The following SAE1 variants were observed in gnomAD, a reference collection of about 807,000 sequenced individuals.
SAE1 encodes SUMO1 activating enzyme subunit 1.
A neutral mutation model predicts 40.6 loss-of-function variants in SAE1; 11 were observed. The observed-to-expected ratio is 0.27, with a 90% CI of 0.17 to 0.45. The LOEUF (loss-of-function observed/expected upper bound fraction) is 0.45, where lower values mean the gene tolerates loss of function less well. Among genes scored for constraint, SAE1 ranks in the 20% least tolerant of loss-of-function variants. The pLI is 1.00. For synonymous variants in SAE1, 155 were observed against 154.3 expected (o/e 1.00, Z -0.03); for missense variants, 373 against 427.3 (o/e 0.87, Z 1.12).
intron 3 of SAE1, among the ~76,000 whole-genome samples, chr19:47,151,989 T>G (rs968944018): frequency 1.3e-5 from 2 of 152,242 alleles, no homozygotes; most frequent in African/African-American, 4.8e-5. Context: ...GATTTCTTAC[T>G]TTTTAGATGG....
At chr19:47,166,080 C>G (rs1408681978) in intron 5 of SAE1, among the ~76,000 whole-genome samples, 1 of 152,226 alleles carries the variant, frequency 6.6e-6, no homozygotes, top group Non-Finnish European at 1.5e-5. Context: ...CCTGCCCAGA[C>G]AACCCCAAGC....
chr19:47,138,530 A>G (rs572987410), intron 1 of SAE1, among the ~76,000 whole-genome samples: 5 of 152,360 alleles, frequency 3.3e-5, no homozygotes, highest in African/African-American at 4.8e-5. Context: ...CCAGATTTCT[A>G]TAATTCTGCT....
Position 47,209,396 on chromosome 19 carries a change from G to GT in SAE1, c.*146dup. 7.2e-7 allele frequency: 1 copy of GT among 1,384,748 alleles called. No individual in the cohort carries two copies. Among genetic ancestry groups the GT allele is most frequent in the Non-Finnish European group, 9.9e-7 (1 of 1,010,736 alleles). The allele number at this position is 1,384,748 out of a possible 1,614,324, so 85.8% of individuals were successfully genotyped here. On this transcript the variant is annotated 3_prime_UTR_variant, in exon 9 of 9. Transcript: ENST00000270225. Reference sequence around the variant, plus strand: ...AACATTTCCTGCAACGAAGGAGGTGGTGCCGACGTGCTGCTTCCCATCACC... The same window carrying GT: ...AACATTTCCTGCAACGAAGGAGGTGGTTGCCGACGTGCTGCTTCCCATCACC...
At chr19:47,182,496 T>TGTGTGTGTGTGTGTGTGTGCGCGCGC in intron 6 of SAE1, among the ~76,000 whole-genome samples, 2 of 146,044 alleles carry the variant, frequency 1.4e-5, no homozygotes, top group East Asian at 4.1e-4. Flanking sequence ...TGTGTGTGTG[T>TGTGTGTGTGTGTGTGTGTGCGCGCGC]GCGCGCACGC....
At chr19:47,170,057 C>T (rs1568598048) in intron 6 of SAE1, 134 bp downstream of exon 6, 3 of 672,076 alleles carry the variant, frequency 4.5e-6, no homozygotes, top group Non-Finnish European at 2.7e-6. Context: ...TCAGTGATCA[C>T]TTGAGAAAGG....
intron 5 of SAE1, among the ~76,000 whole-genome samples, chr19:47,167,472 C>G (rs2058401283): frequency 6.7e-6 from 1 of 149,062 alleles, no homozygotes; most frequent in Non-Finnish European, 1.5e-5. Context: ...GATCTCCTGA[C>G]CTTGTGATCT....
chr19:47,197,819 T>C (rs570209716), intron 7 of SAE1, among the ~76,000 whole-genome samples: 4 of 152,326 alleles, frequency 2.6e-5, no homozygotes, highest in African/African-American at 7.2e-5. Flanking sequence ...TGCGTAACAC[T>C]GCAGTGTGTG....
intron 6 of SAE1, among the ~76,000 whole-genome samples, chr19:47,191,826 C>G (rs530456759): frequency 1.3e-5 from 2 of 151,918 alleles, no homozygotes; most frequent in Non-Finnish European, 2.9e-5. Context: ...GAGGCCAAGG[C>G]GGGCCGATCA....
At chr19:47,160,646 C>T (rs924340045) in intron 5 of SAE1, among the ~76,000 whole-genome samples, 9 of 152,146 alleles carry the variant, frequency 5.9e-5, no homozygotes, top group Admixed American at 2.6e-4. Context: ...CCGCCCACCT[C>T]GGCCTCCCAA....
At chr19:47,169,446 A>G (rs374094650) in intron 5 of SAE1, among the ~76,000 whole-genome samples, 1 of 152,102 alleles carries the variant, frequency 6.6e-6, no homozygotes, top group Non-Finnish European at 1.5e-5. Context: ...GGGTTTCACC[A>G]TGTTGGCCAG....
chr19:47,194,907 T>TA (rs1202964907), intron 6 of SAE1, among the ~76,000 whole-genome samples: 2 of 152,008 alleles, frequency 1.3e-5, no homozygotes, highest in Non-Finnish European at 2.9e-5. Flanking sequence ...CACGCCTGGC[T>TA]AATTTATGTA....
intron 5 of SAE1, among the ~76,000 whole-genome samples, chr19:47,165,815 T>C (rs2058388776): frequency 6.6e-6 from 1 of 152,232 alleles, no homozygotes; most frequent in East Asian, 1.9e-4. Context: ...GAATAACTAC[T>C]GTTATCTGAG....
At chr19:47,171,848 C>G (rs1300887047) in intron 6 of SAE1, among the ~76,000 whole-genome samples, 1 of 152,024 alleles carries the variant, frequency 6.6e-6, no homozygotes, top group East Asian at 1.9e-4. Flanking sequence ...GGTGATCTGC[C>G]CACCTCAGCC....
At position 47,174,988 on chromosome 19, in the gene SAE1, C is replaced by T. The variant is rs1238602618; in HGVS notation, c.733+5065C>T. On this transcript the variant is annotated intron_variant, in intron 6 of 8. Transcript: ENST00000270225. ...TCTCCCAAAGTGCTGAGATTACAGG[C>T]GTGAGGCACCGTGCCCGGCAGTGAG... 5.3e-5 allele frequency among the ~76,000 whole-genome samples: 8 copies of T among 151,902 alleles called. 1 individual carries two copies. The South Asian group carries it at 1.0e-3, about 20-fold the overall frequency.
At chr19:47,171,980 T>C (rs2058437470) in intron 6 of SAE1, among the ~76,000 whole-genome samples, 2 of 151,960 alleles carry the variant, frequency 1.3e-5, no homozygotes, top group African/African-American at 2.4e-5. Flanking sequence ...AGTGCAGTGG[T>C]GCAATCTTGG....
intron 6 of SAE1, among the ~76,000 whole-genome samples, chr19:47,170,691 A>G (rs1181455555): frequency 1.3e-5 from 2 of 151,662 alleles, no homozygotes; most frequent in Non-Finnish European, 2.9e-5. Context: ...ATTTTTTTGT[A>G]GAAGCGAAGT....
At chr19:47,157,594 CCT>C (rs1490931089) in intron 5 of SAE1, among the ~76,000 whole-genome samples, 4 of 152,170 alleles carry the variant, frequency 2.6e-5, no homozygotes, top group Non-Finnish European at 5.9e-5. Context: ...GATCTGGAAA[CCT>C]CTTTTGGGAA....
intron 6 of SAE1, among the ~76,000 whole-genome samples, chr19:47,183,821 A>G (rs2058526160): frequency 6.6e-6 from 1 of 152,202 alleles, no homozygotes. Flanking sequence ...CCTAGAGTCA[A>G]GGTCATGTGC....
At chr19:47,173,970 G>C (rs2058451755) in intron 6 of SAE1, among the ~76,000 whole-genome samples, 1 of 151,810 alleles carries the variant, frequency 6.6e-6, no homozygotes, top group South Asian at 2.1e-4. Flanking sequence ...ATTTTTAGTA[G>C]AGACGGGGTT....
Sources: gnomAD v4.1 joint callset for allele counts (sites outside exome capture counted in the v4.1 genomes callset) on GRCh38, gnomAD v4.1.1 for gene constraint, MANE v1.5 for transcripts, NCBI Gene and HGNC (gene_info 2026-07-23, HGNC 2026-07-21) for gene names.